Variants in PKD2L2 observed in about 807,000 individuals in gnomAD.
The protein encoded by PKD2L2 is polycystin-2-like protein 2.
PKD2L2 carries 67 observed loss-of-function variants against 83.9 expected under a neutral mutation model. The observed-to-expected ratio is 0.80, with a 90% CI of 0.66 to 0.98. The LOEUF is 0.98. Among genes scored for constraint, PKD2L2 ranks in the 50% least tolerant of loss-of-function variants. PKD2L2 has a pLI of 0.00. For missense variants in PKD2L2, 632 were observed against 717.2 expected (o/e 0.88, Z 1.36); for synonymous variants, 223 against 237.8 (o/e 0.94, Z 0.57).
chr5:137,900,331 A>G (rs1407313406), intron 5 of PKD2L2, among the ~76,000 whole-genome samples: 2 of 152,228 alleles, frequency 1.3e-5, no homozygotes, highest in Non-Finnish European at 2.9e-5. Flanking sequence ...GTGATCTCTT[A>G]TAGTTCTCGT....
At chr5:137,899,432 T>C in intron 4 of PKD2L2, 84 bp from the exon 5 acceptor site, 1 of 1,006,944 alleles carries the variant, frequency 9.9e-7, no homozygotes, top group South Asian at 1.6e-5. Flanking sequence ...ACTACTACTT[T>C]TGAACCAAAG....
chr5:137,909,028 G>A, intron 8 of PKD2L2, 82 bp downstream of exon 8: 2 of 725,380 alleles, frequency 2.8e-6, no homozygotes, highest in Non-Finnish European at 4.6e-6. Context: ...TCTATGATAA[G>A]TAGTAATATA....
In PKD2L2 at chr5:137,891,722, T is replaced by C. The variant is rs183804935; in HGVS notation, c.134-758T>C. On this transcript the variant is annotated intron_variant, in intron 2 of 14. Transcript: ENST00000508883. ...CTTTTTTTTTTCTTTTTTGAGACAG[T>C]CTCGCTCTGTCACCCAGGCTGGAGT... Among the ~76,000 whole-genome samples, 274 of 152,090 alleles carry C rather than the reference T, an allele frequency of 1.8e-3. 1 individual carries two copies. The highest frequency in any genetic ancestry group is 6.4e-3 in the African/African-American group (267 of 41,496).
At chr5:137,913,887 C>G (rs1313110449) in intron 8 of PKD2L2, among the ~76,000 whole-genome samples, 2 of 147,748 alleles carry the variant, frequency 1.4e-5, no homozygotes, top group East Asian at 4.0e-4. Flanking sequence ...TTTTTTTTCC[C>G]GATGAGGTCT....
At chr5:137,938,103 C>G (rs890404902) in intron 14 of PKD2L2, 10 of 152,274 alleles carry the variant, frequency 6.6e-5, no homozygotes, top group African/African-American at 2.4e-4. Context: ...GTAAAACTAT[C>G]ACCAACTGCC....
At position 137,896,825 on chromosome 5, in the gene PKD2L2, T is replaced by C. The variant is rs112769423; in HGVS notation, c.524+2216T>C. ...TCTCAATATAGTTATATCATAATTATTGTCAATCATTAGTCAATGTTTATA... is the reference window on the plus strand; with the variant it reads ...TCTCAATATAGTTATATCATAATTACTGTCAATCATTAGTCAATGTTTATA... On this transcript the variant is annotated intron_variant, in intron 4 of 14. Coordinates refer to ENST00000508883, the MANE Select transcript of PKD2L2 (RefSeq NM_001300921.2). Among the ~76,000 whole-genome samples the C allele has an allele frequency of 5.7e-3, 870 of 152,092 alleles. 14 individuals carry two copies. Among genetic ancestry groups the C allele is most frequent in the Admixed American group, 0.026 (400 of 15,266 alleles).
rs146300179 is a variant in PKD2L2 at position 137,915,824 on chromosome 5, C to CT, written c.1329-5808dup. Among the ~76,000 whole-genome samples, 945 of 152,188 alleles carry CT rather than the reference C, an allele frequency of 6.2e-3. 13 individuals carry two copies. Among genetic ancestry groups the CT allele is most frequent in the African/African-American group, 0.022 (911 of 41,518 alleles). On this transcript the variant is annotated intron_variant, in intron 8 of 14. Coordinates refer to ENST00000508883, the MANE Select transcript of PKD2L2 (RefSeq NM_001300921.2). Reference sequence around the variant, plus strand: ...CAAACTGTTGTTATAATAATACTAGCTTTTATAATTGCTCATGTATTTACC... The same window carrying CT: ...CAAACTGTTGTTATAATAATACTAGCTTTTTATAATTGCTCATGTATTTACC...
At chr5:137,927,289 A>G (rs1759453707) in intron 12 of PKD2L2, among the ~76,000 whole-genome samples, 1 of 152,242 alleles carries the variant, frequency 6.6e-6, no homozygotes, top group Admixed American at 6.5e-5. Context: ...GAGAATTAGC[A>G]TCCTTTCTGT....
intron 14 of PKD2L2, chr5:137,938,424 T>C (rs923255548): frequency 1.3e-5 from 2 of 152,616 alleles, no homozygotes; most frequent in Non-Finnish European, 2.9e-5. Context: ...AAATTAGATG[T>C]TTGGATACAC....
intron 8 of PKD2L2, 70 bp downstream of exon 8, chr5:137,909,016 C>A: frequency 1.2e-6 from 1 of 816,612 alleles, no homozygotes; most frequent in Non-Finnish European, 2.0e-6. Flanking sequence ...AAGGTCTAAC[C>A]TTCTATGATA....
rs1389583022 is a variant in PKD2L2, at chr5:137,921,738, TG to T, written c.1432del (p.Val478CysfsTer6). On this transcript the variant is annotated frameshift_variant, in exon 9 of 15. Coordinates refer to ENST00000508883, the MANE Select transcript of PKD2L2 (RefSeq NM_001300921.2). LOFTEE classifies it high-confidence loss of function. ...PIYFITFIFF[V>X]FFVLLNMFLA... ...TTTACTTCATCACTTTCATCTTTTTTGTGTTCTTTGTCCTGCTGGTAAGAAT... is the reference window on the plus strand; with the variant it reads ...TTTACTTCATCACTTTCATCTTTTTTTGTTCTTTGTCCTGCTGGTAAGAAT... 5 of 1,607,598 alleles carry T rather than the reference TG, an allele frequency of 3.1e-6. No individual in the cohort carries two copies. Among genetic ancestry groups the T allele is most frequent in the Non-Finnish European group, 3.4e-6 (4 of 1,175,744 alleles).
intron 12 of PKD2L2, among the ~76,000 whole-genome samples, chr5:137,931,492 T>G (rs923213609): frequency 6.6e-6 from 1 of 152,212 alleles, no homozygotes; most frequent in Admixed American, 6.5e-5. Context: ...AAGATTCAGA[T>G]AGTATTTATT....
chr5:137,921,458 C>A (rs1249687282), intron 8 of PKD2L2, among the ~76,000 whole-genome samples, 178 bp from the exon 9 acceptor site: 3 of 151,974 alleles, frequency 2.0e-5, no homozygotes, highest in Non-Finnish European at 4.4e-5. Flanking sequence ...TACCTTAAGT[C>A]TTTCCTTTAG....
chr5:137,942,075 G>T, intron 14 of PKD2L2: 1 of 1,532,072 alleles, frequency 6.5e-7, no homozygotes, highest in Non-Finnish European at 9.0e-7. Context: ...ATACTGAAGG[G>T]CACACTTGAT....
At chr5:137,929,803 T>C (rs1759715331) in intron 12 of PKD2L2, among the ~76,000 whole-genome samples, 1 of 152,086 alleles carries the variant, frequency 6.6e-6, no homozygotes, top group African/African-American at 2.4e-5. Context: ...CCCAGTTCTA[T>C]GCTATATCCT....
chr5:137,935,431 C>T (rs1236351459), intron 12 of PKD2L2, among the ~76,000 whole-genome samples: 2 of 152,138 alleles, frequency 1.3e-5, no homozygotes, highest in Non-Finnish European at 2.9e-5. Context: ...CACTTTGAAT[C>T]TAATTACTAG....
chr5:137,901,878 T>C (rs1346051080), intron 5 of PKD2L2, among the ~76,000 whole-genome samples: 1 of 152,128 alleles, frequency 6.6e-6, no homozygotes, highest in African/African-American at 2.4e-5. Flanking sequence ...TATTAAAAAC[T>C]GTGAAACCAT....
In PKD2L2 at chr5:137,890,325, C is replaced by A. The variant is rs1198767279; in HGVS notation, c.32-156C>A. The A allele has an allele frequency of 5.4e-6, 3 of 556,600 alleles. No homozygotes were observed. The African/African-American group carries it at 6.0e-5, about 11-fold the overall frequency. The allele number at this position is 556,600 out of a possible 1,614,324, so 34.5% of individuals were successfully genotyped here. ...TAATAGTATATAGTAAAAAAATTATCCCTGCCTCGTAAAACTAAGAATTGA... is the reference window on the plus strand; with the variant it reads ...TAATAGTATATAGTAAAAAAATTATACCTGCCTCGTAAAACTAAGAATTGA... On this transcript the variant is annotated intron_variant, in intron 1 of 14. Coordinates refer to ENST00000508883, the MANE Select transcript of PKD2L2 (RefSeq NM_001300921.2).
chr5:137,919,745 T>A (rs1055441473), intron 8 of PKD2L2, among the ~76,000 whole-genome samples: 3 of 152,196 alleles, frequency 2.0e-5, no homozygotes, highest in African/African-American at 4.8e-5. Context: ...GTACCGTGGA[T>A]GGAATCTCAG....
Sources: allele counts gnomAD v4.1 joint callset (sites outside exome capture counted in the v4.1 genomes callset), GRCh38; gene constraint gnomAD v4.1.1; transcripts MANE v1.5; gene names NCBI Gene and HGNC (gene_info 2026-07-23, HGNC 2026-07-21).